The following CSMD1 variants were observed in gnomAD, a reference collection of about 807,000 sequenced individuals.
The protein encoded by CSMD1 is CUB and Sushi multiple domains 1.
In CSMD1, 213 loss-of-function variants were observed where a neutral mutation model predicts 417.5. The ratio of observed to expected loss-of-function variants is 0.51; its 90% CI spans 0.46 to 0.57. The LOEUF is 0.57. Among genes scored for constraint, CSMD1 ranks in the 20% least tolerant of loss-of-function variants. The pLI is 0.00. For synonymous variants in CSMD1, 2,862 were observed against 1,736.8 expected (o/e 1.65, Z -16.11); for missense variants, 6,923 against 4,529.7 (o/e 1.53, Z -15.17).
chr8:4,232,407 C>A (rs1422602240), intron 3 of CSMD1, among the ~76,000 whole-genome samples: 2 of 152,284 alleles, frequency 1.3e-5, no homozygotes, highest in East Asian at 3.9e-4. Flanking sequence ...CCACGTTGGC[C>A]AGCTTGGTCT....
intron 5 of CSMD1, among the ~76,000 whole-genome samples, chr8:3,811,754 C>T (rs1355893299): frequency 6.6e-6 from 1 of 152,140 alleles, no homozygotes; most frequent in East Asian, 1.9e-4. Context: ...AGGGAACCTC[C>T]ATGGACAATA....
intron 1 of CSMD1, among the ~76,000 whole-genome samples, chr8:4,967,428 G>C (rs977773422): frequency 6.6e-6 from 1 of 152,084 alleles, no homozygotes; most frequent in African/African-American, 2.4e-5. Flanking sequence ...ACATTAGTAA[G>C]CACTACTAAG....
intron 1 of CSMD1, among the ~76,000 whole-genome samples, chr8:4,668,113 G>T (rs954354591): frequency 6.6e-6 from 1 of 152,132 alleles, no homozygotes; most frequent in Non-Finnish European, 1.5e-5. Flanking sequence ...GCTTTTAGCA[G>T]ATATTGCCTC....
intron 5 of CSMD1, among the ~76,000 whole-genome samples, chr8:3,986,254 C>G (rs947054778): frequency 6.6e-6 from 1 of 152,120 alleles, no homozygotes; most frequent in African/African-American, 2.4e-5. Context: ...CTTCCCTCGC[C>G]TGGCTGAGGG....
chr8:3,829,376 T>C (rs1232655041), intron 5 of CSMD1, among the ~76,000 whole-genome samples: 1 of 152,166 alleles, frequency 6.6e-6, no homozygotes, highest in African/African-American at 2.4e-5. Context: ...ACTATACCCC[T>C]TCAGAGAAGT....
At chr8:4,642,413 C>G (rs142677658) in intron 1 of CSMD1, among the ~76,000 whole-genome samples, 1 of 152,190 alleles carries the variant, frequency 6.6e-6, no homozygotes, top group African/African-American at 2.4e-5. Flanking sequence ...GCTCCTCTCC[C>G]GGGCTGTTGC....
intron 1 of CSMD1, among the ~76,000 whole-genome samples, chr8:4,834,980 AGAAAG>A (rs1800384948): frequency 1.2e-4 from 4 of 32,966 alleles, no homozygotes; most frequent in African/African-American, 2.7e-4. Context: ...AAAAAAAAAA[AGAAAG>A]AAAGAAAGAA....
intron 41 of CSMD1, among the ~76,000 whole-genome samples, chr8:3,132,365 T>G (rs1458579519): frequency 6.6e-6 from 1 of 152,124 alleles, no homozygotes; most frequent in Non-Finnish European, 1.5e-5. Context: ...TCAAAAAAAT[T>G]TGACTTAAAA....
chr8:4,200,027 T>G (rs1044780575), intron 3 of CSMD1, among the ~76,000 whole-genome samples: 5 of 152,326 alleles, frequency 3.3e-5, no homozygotes, highest in African/African-American at 1.2e-4. Context: ...AAAATTATGT[T>G]GAGGTGCCAT....
chr8:4,174,200 G>C (rs1453269567), intron 3 of CSMD1, among the ~76,000 whole-genome samples: 2 of 152,188 alleles, frequency 1.3e-5, no homozygotes, highest in Non-Finnish European at 2.9e-5. Flanking sequence ...AAAACCCAGA[G>C]CCTCAGCAGC....
intron 18 of CSMD1, among the ~76,000 whole-genome samples, chr8:3,378,838 A>C (rs1253417030): frequency 6.6e-6 from 1 of 152,220 alleles, no homozygotes; most frequent in Admixed American, 6.5e-5. Flanking sequence ...AACTGGCAAA[A>C]GACAAGGATG....
chr8:3,455,302 T>G (rs1816037077), intron 12 of CSMD1, among the ~76,000 whole-genome samples: 1 of 152,232 alleles, frequency 6.6e-6, no homozygotes, highest in Non-Finnish European at 1.5e-5. Context: ...GAAGCCTTCT[T>G]CTCTCAACTC....
At chr8:3,117,067 A>T (rs539121647) in intron 42 of CSMD1, among the ~76,000 whole-genome samples, 52 of 152,016 alleles carry the variant, frequency 3.4e-4, no homozygotes, top group African/African-American at 1.3e-3. Context: ...GTTATTTTTT[A>T]TTTTATTTAT....
intron 3 of CSMD1, among the ~76,000 whole-genome samples, chr8:4,119,941 T>C (rs1204802661): frequency 1.4e-5 from 1 of 72,916 alleles, no homozygotes; most frequent in African/African-American, 5.2e-5. Flanking sequence ...TGGGGATGGT[T>C]AATAGGTATC....
At chr8:4,098,489 G>A (rs1291149697) in intron 3 of CSMD1, among the ~76,000 whole-genome samples, 2 of 152,030 alleles carry the variant, frequency 1.3e-5, no homozygotes, top group African/African-American at 4.8e-5. Context: ...TAGCTCCTGT[G>A]TTTTAGTTTT....
chr8:4,776,375 A>G (rs187711378), intron 1 of CSMD1, among the ~76,000 whole-genome samples: 13 of 152,316 alleles, frequency 8.5e-5, no homozygotes, highest in Non-Finnish European at 4.4e-5. Flanking sequence ...TGCTACTACT[A>G]TATCTACTAT....
intron 5 of CSMD1, among the ~76,000 whole-genome samples, chr8:3,780,625 C>T (rs1311132178): frequency 1.3e-5 from 2 of 152,170 alleles, no homozygotes; most frequent in Non-Finnish European, 2.9e-5. Context: ...CAAACTGGGC[C>T]TGCTCCCAGC....
At chr8:3,624,012 C>T (rs1397415398) in intron 7 of CSMD1, among the ~76,000 whole-genome samples, 1 of 151,872 alleles carries the variant, frequency 6.6e-6, no homozygotes, top group Non-Finnish European at 1.5e-5. Context: ...CCTTTCTGTA[C>T]TCTGGCCATA....
intron 12 of CSMD1, among the ~76,000 whole-genome samples, chr8:3,443,187 G>A (rs530489525): frequency 6.6e-6 from 1 of 152,218 alleles, no homozygotes; most frequent in Admixed American, 6.5e-5. Context: ...AAATGTGAGA[G>A]GATACACGCA....
Sources: gnomAD v4.1 joint callset for allele counts (sites outside exome capture counted in the v4.1 genomes callset) on GRCh38, gnomAD v4.1.1 for gene constraint, MANE v1.5 for transcripts, NCBI Gene and HGNC (gene_info 2026-07-23, HGNC 2026-07-21) for gene names.